Variants in NDEL1 observed in about 807,000 individuals in gnomAD.
NDEL1 encodes the protein nuclear distribution protein nudE-like 1.
In NDEL1, 9 loss-of-function variants were observed where a neutral mutation model predicts 45.7. That is an observed-to-expected ratio of 0.20 (90% CI 0.12 to 0.34). The LOEUF (loss-of-function observed/expected upper bound fraction) is 0.34, where lower values mean the gene tolerates loss of function less well. Ranked by LOEUF, NDEL1 falls within the 10% of genes least tolerant of loss-of-function variation. The pLI, the probability that NDEL1 is intolerant of heterozygous loss-of-function variation, is 1.00. For missense variants in NDEL1, 306 were observed against 406.2 expected, an observed-to-expected ratio of 0.75 and a Z score of 2.12; for synonymous variants, 133 against 158.6, an observed-to-expected ratio of 0.84 and a Z score of 1.21.
intron 1 of NDEL1, among the ~76,000 whole-genome samples, chr17:8,418,889 C>T (rs1908637164): frequency 6.6e-6 from 1 of 151,726 alleles, no homozygotes; most frequent in Non-Finnish European, 1.5e-5. Flanking sequence ...CACTCTATCA[C>T]CCAGGCTGGA....
rs527762631 is a variant in NDEL1 at position 8,462,131 on chromosome 17, C to T, written c.944+1971C>T. Among the ~76,000 whole-genome samples the T allele has an allele frequency of 4.6e-5, 7 of 151,690 alleles. No individual in the cohort carries two copies. In the East Asian group the frequency reaches 9.7e-4, roughly 21 times the overall value. On this transcript the variant is annotated intron_variant, in intron 8 of 8. Transcript: ENST00000334527. ...TGCACCTCTGCCCCTTGAGAGCATC[C>T]GAGATGTAAGTGTAGGCTTTACTTC...
intron 1 of NDEL1, among the ~76,000 whole-genome samples, chr17:8,437,262 G>T (rs1026888310): frequency 6.6e-6 from 1 of 152,168 alleles, no homozygotes; most frequent in East Asian, 1.9e-4. Flanking sequence ...ATTAGAGTGC[G>T]TGAGAAACAA....
At chr17:8,456,737 G>T (rs182287906) in intron 7 of NDEL1, among the ~76,000 whole-genome samples, 6 of 152,174 alleles carry the variant, frequency 3.9e-5, no homozygotes, top group African/African-American at 4.8e-5. Context: ...GACTTCAGGT[G>T]ATCTGCCTGC....
At chr17:8,453,856 CATT>C (rs1179707483) in intron 6 of NDEL1, among the ~76,000 whole-genome samples, 2 of 152,020 alleles carry the variant, frequency 1.3e-5, no homozygotes, top group Non-Finnish European at 2.9e-5. Context: ...TATATTTTAA[CATT>C]ATAATAAAGT....
At chr17:8,431,084 C>A (rs1186412079), upstream of NDEL1, 1 of 152,270 alleles carries the variant, frequency 6.6e-6, no homozygotes, top group African/African-American at 2.4e-5. Context: ...GAAGATGATG[C>A]CAACATTTTC....
intron 1 of NDEL1, among the ~76,000 whole-genome samples, chr17:8,443,550 T>C (rs887307873): frequency 1.3e-5 from 2 of 152,118 alleles, no homozygotes; most frequent in Admixed American, 1.3e-4. Context: ...GCAGTAGGCA[T>C]GCCTCTAGAG....
intron 5 of NDEL1, among the ~76,000 whole-genome samples, chr17:8,449,903 G>T (rs1304049403): frequency 6.6e-6 from 1 of 152,208 alleles, no homozygotes; most frequent in African/African-American, 2.4e-5. Context: ...CCAAAAGGGG[G>T]ATGACTTTGT....
downstream of NDEL1, among the ~76,000 whole-genome samples, chr17:8,473,013 C>A (rs1567749967): frequency 6.6e-6 from 1 of 152,194 alleles, no homozygotes; most frequent in African/African-American, 2.4e-5. Context: ...GTATAAACTA[C>A]CTTTCCTTAG....
chr17:8,446,020 C>G, intron 3 of NDEL1, 156 bp downstream of exon 3: 2 of 711,820 alleles, frequency 2.8e-6, no homozygotes, highest in Non-Finnish European at 4.0e-6. Context: ...TTCACGGAAC[C>G]AGGGGAAAAG....
chr17:8,420,462 AG>A (rs1333499141), intron 1 of NDEL1, among the ~76,000 whole-genome samples: 1 of 152,274 alleles, frequency 6.6e-6, no homozygotes, highest in East Asian at 1.9e-4. Context: ...GTGTACAGAA[AG>A]GACTCTTGGC....
chr17:8,445,892 T>C (rs1910050735), intron 3 of NDEL1, 28 bp downstream of exon 3: 1 of 1,416,974 alleles, frequency 7.1e-7, no homozygotes, highest in Non-Finnish European at 9.3e-7. Context: ...CGCTGGGGTC[T>C]AATGTGTTGA....
chr17:8,462,197 A>G (rs1911253877), intron 8 of NDEL1, among the ~76,000 whole-genome samples: 1 of 151,696 alleles, frequency 6.6e-6, no homozygotes, highest in African/African-American at 2.4e-5. Context: ...CCCAATCGGA[A>G]CAGTTGCAGA....
chr17:8,439,991 A>G (rs891463813), intron 1 of NDEL1, among the ~76,000 whole-genome samples: 4 of 152,184 alleles, frequency 2.6e-5, no homozygotes, highest in African/African-American at 9.7e-5. Flanking sequence ...AGACTTGGGC[A>G]GTTTGGCTTC....
chr17:8,464,158 C>G (rs778517830), intron 8 of NDEL1: 9 of 152,280 alleles, frequency 5.9e-5, no homozygotes, highest in Non-Finnish European at 1.3e-4. Flanking sequence ...TTACAACTGA[C>G]CTTAGCACTT....
downstream of NDEL1, chr17:8,468,273 T>C (rs1175723353): frequency 6.6e-6 from 1 of 152,264 alleles, no homozygotes; most frequent in Non-Finnish European, 1.5e-5. Context: ...AGCTGTGGAA[T>C]GGGACAGAGA....
chr17:8,435,701 G>A (rs1276642072), upstream of NDEL1, among the ~76,000 whole-genome samples: 1 of 152,256 alleles, frequency 6.6e-6, no homozygotes, highest in East Asian at 1.9e-4. Flanking sequence ...CAGAGTCCAG[G>A]AGCGCCTGCG....
chr17:8,438,303 G>C (rs1403128704), intron 1 of NDEL1, among the ~76,000 whole-genome samples: 1 of 152,088 alleles, frequency 6.6e-6, no homozygotes, highest in East Asian at 1.9e-4. Context: ...GAAAATTGTG[G>C]ATGTACCATT....
intron 4 of NDEL1, 59 bp from the exon 5 acceptor site, chr17:8,448,491 G>A (rs945397528): frequency 6.5e-7 from 1 of 1,539,296 alleles, no homozygotes; most frequent in South Asian, 1.2e-5. Context: ...GTTTCCTTTT[G>A]TACTATCTGT....
intron 1 of NDEL1, among the ~76,000 whole-genome samples, chr17:8,425,690 T>C (rs1413491415): frequency 6.6e-6 from 1 of 152,110 alleles, no homozygotes; most frequent in Non-Finnish European, 1.5e-5. Context: ...GCCGCTGCCC[T>C]AGATGCTACC....
Sources: allele counts gnomAD v4.1 joint callset (sites outside exome capture counted in the v4.1 genomes callset), GRCh38; gene constraint gnomAD v4.1.1; transcripts MANE v1.5; gene names NCBI Gene and HGNC (gene_info 2026-07-23, HGNC 2026-07-21).